The following MLLT3 variants were observed in gnomAD, a reference collection of about 807,000 sequenced individuals.
MLLT3 encodes the protein protein AF-9.
A neutral mutation model predicts 53.2 loss-of-function variants in MLLT3; 4 were observed. The observed-to-expected ratio is 0.08, with a 90% CI of 0.04 to 0.17. The LOEUF (loss-of-function observed/expected upper bound fraction) is 0.17, where lower values mean the gene tolerates loss of function less well. Among genes scored for constraint, MLLT3 ranks in the 10% least tolerant of loss-of-function variants. The pLI is 1.00. For missense variants in MLLT3, 569 were observed against 684.0 expected (o/e 0.83, Z 1.87); for synonymous variants, 283 against 230.6 (o/e 1.23, Z -2.06).
intron 2 of MLLT3, among the ~76,000 whole-genome samples, chr9:20,589,390 C>T (rs1330191465): frequency 7.4e-6 from 1 of 135,972 alleles, no homozygotes; most frequent in Non-Finnish European, 1.5e-5. Context: ...ACAATGAGAT[C>T]ACATGGACAC....
intron 2 of MLLT3, among the ~76,000 whole-genome samples, chr9:20,546,212 G>A (rs1818783290): frequency 1.3e-5 from 2 of 152,156 alleles, no homozygotes; most frequent in African/African-American, 4.8e-5. Flanking sequence ...TGTAAAAAGA[G>A]AGAATACAAT....
At chr9:20,507,371 TA>T (rs1825407880) in intron 2 of MLLT3, among the ~76,000 whole-genome samples, 1 of 152,162 alleles carries the variant, frequency 6.6e-6, no homozygotes, top group African/African-American at 2.4e-5. Context: ...TTCTGAAGCC[TA>T]AAATTGCCTC....
At chr9:20,600,618 T>C (rs1820397583) in intron 2 of MLLT3, among the ~76,000 whole-genome samples, 1 of 152,238 alleles carries the variant, frequency 6.6e-6, no homozygotes, top group South Asian at 2.1e-4. Context: ...CAACTAGATT[T>C]TAGGCTTTTG....
At position 20,489,660 on chromosome 9, in the gene MLLT3, T is replaced by G. The variant is rs143222623; in HGVS notation, c.194-32874A>C. Among the ~76,000 whole-genome samples the G allele has an allele frequency of 7.6e-3, 1,162 of 152,280 alleles. 12 individuals carry two copies. The highest frequency in any genetic ancestry group is 0.012 in the Non-Finnish European group (807 of 68,020). On this transcript the variant is annotated intron_variant, in intron 2 of 10. Coordinates refer to ENST00000380338, the MANE Select transcript of MLLT3 (RefSeq NM_004529.4). ...CTTCAAATACAAGATACAGAAGACATGGCTAAGAGTACCTAAAATTCCAAC... is the reference window on the plus strand; with the variant it reads ...CTTCAAATACAAGATACAGAAGACAGGGCTAAGAGTACCTAAAATTCCAAC...
At chr9:20,464,409 A>G (rs937114960) in intron 2 of MLLT3, among the ~76,000 whole-genome samples, 11 of 152,128 alleles carry the variant, frequency 7.2e-5, no homozygotes, top group Admixed American at 2.6e-4. Context: ...AACGTAATTG[A>G]CAGGTCCCCT....
chr9:20,589,016 A>G (rs1176296259), intron 2 of MLLT3, among the ~76,000 whole-genome samples: 1 of 151,404 alleles, frequency 6.6e-6, no homozygotes, highest in Non-Finnish European at 1.5e-5. Flanking sequence ...CCATTGTGGA[A>G]GACAGTGTGG....
At chr9:20,350,133 C>T (rs2118593815) in intron 10 of MLLT3, among the ~76,000 whole-genome samples, 1 of 152,330 alleles carries the variant, frequency 6.6e-6, no homozygotes, top group Non-Finnish European at 1.5e-5. Flanking sequence ...GGCCACAAAG[C>T]CTGAACACAC....
intron 2 of MLLT3, among the ~76,000 whole-genome samples, chr9:20,502,887 T>C (rs1220884669): frequency 6.6e-6 from 1 of 152,186 alleles, no homozygotes; most frequent in Non-Finnish European, 1.5e-5. Context: ...CAAACATCAG[T>C]AGCATCTGTA....
chr9:20,380,096 C>T (rs1341854423), intron 5 of MLLT3: 1 of 151,958 alleles, frequency 6.6e-6, no homozygotes, highest in East Asian at 1.9e-4. Flanking sequence ...AGGCTGTTAT[C>T]CCAAAGACTT....
intron 2 of MLLT3, among the ~76,000 whole-genome samples, chr9:20,616,585 A>T (rs551726352): frequency 6.6e-5 from 10 of 152,296 alleles, no homozygotes; most frequent in African/African-American, 2.4e-4. Context: ...ATGCAAATTT[A>T]CTTATTTACA....
chr9:20,453,554 C>A (rs1823889759), intron 3 of MLLT3, among the ~76,000 whole-genome samples: 1 of 151,974 alleles, frequency 6.6e-6, no homozygotes, highest in Admixed American at 6.6e-5. Context: ...CAGAGTGAAA[C>A]CCCACCAAAA....
At chr9:20,585,183 C>G (rs1819919593) in intron 2 of MLLT3, among the ~76,000 whole-genome samples, 1 of 152,156 alleles carries the variant, frequency 6.6e-6, no homozygotes, top group Admixed American at 6.5e-5. Context: ...GGTGAGGACT[C>G]TCTTTCTGAC....
chr9:20,382,584 T>C (rs1220769852), intron 5 of MLLT3: 2 of 151,914 alleles, frequency 1.3e-5, no homozygotes, highest in Non-Finnish European at 2.9e-5. Context: ...TGCTCATTCA[T>C]CTAACACATA....
At chr9:20,440,830 T>A (rs1214065490) in intron 4 of MLLT3, among the ~76,000 whole-genome samples, 1 of 152,194 alleles carries the variant, frequency 6.6e-6, no homozygotes, top group African/African-American at 2.4e-5. Flanking sequence ...CATTTCTTAT[T>A]TTCTTGGCTT....
At chr9:20,545,474 T>C (rs928168427) in intron 2 of MLLT3, among the ~76,000 whole-genome samples, 31 of 152,276 alleles carry the variant, frequency 2.0e-4, no homozygotes, top group African/African-American at 7.5e-4. Flanking sequence ...GAAGGAGTTC[T>C]GGGGAACTGT....
chr9:20,350,282 A>T (rs1476984485), intron 10 of MLLT3, among the ~76,000 whole-genome samples: 1 of 152,208 alleles, frequency 6.6e-6, no homozygotes, highest in African/African-American at 2.4e-5. Context: ...TAATAATAGT[A>T]GATAGAGTGA....
At chr9:20,347,135 C>G (rs767529577) in intron 10 of MLLT3, among the ~76,000 whole-genome samples, 1 of 140,400 alleles carries the variant, frequency 7.1e-6, no homozygotes, top group Non-Finnish European at 1.5e-5. Context: ...ACCCCCTTAA[C>G]AGATAGTGAC....
chr9:20,508,019 G>A (rs1244198398), intron 2 of MLLT3, among the ~76,000 whole-genome samples: 4 of 152,122 alleles, frequency 2.6e-5, no homozygotes, highest in African/African-American at 7.2e-5. Context: ...ATATTCAAAT[G>A]TATATTCCCT....
At chr9:20,553,124 T>G (rs759697776) in intron 2 of MLLT3, among the ~76,000 whole-genome samples, 7 of 152,216 alleles carry the variant, frequency 4.6e-5, no homozygotes, top group South Asian at 2.1e-4. Context: ...AATTAAGTCC[T>G]TATTTTTCTA....
Sources: allele counts gnomAD v4.1 joint callset (sites outside exome capture counted in the v4.1 genomes callset), GRCh38; gene constraint gnomAD v4.1.1; transcripts MANE v1.5; gene names NCBI Gene and HGNC (gene_info 2026-07-23, HGNC 2026-07-21).